The following FAM13C variants were observed in gnomAD, a reference collection of about 807,000 sequenced individuals.
The protein encoded by FAM13C is family with sequence similarity 13 member C.
FAM13C carries 37 observed loss-of-function variants against 73.2 expected under a neutral mutation model. The ratio of observed to expected loss-of-function variants is 0.51; its 90% CI spans 0.39 to 0.67. The LOEUF (loss-of-function observed/expected upper bound fraction) is 0.67, where lower values mean the gene tolerates loss of function less well. Among genes scored for constraint, FAM13C ranks in the 30% least tolerant of loss-of-function variants. FAM13C has a pLI of 0.00. For missense variants in FAM13C, 589 were observed against 715.6 expected (o/e 0.82, Z 2.02); for synonymous variants, 246 against 260.9 (o/e 0.94, Z 0.55).
chr10:59,267,026 T>C (rs1367351170), intron 8 of FAM13C, among the ~76,000 whole-genome samples: 3 of 152,204 alleles, frequency 2.0e-5, no homozygotes, highest in Non-Finnish European at 4.4e-5. Flanking sequence ...ATACTCCATT[T>C]TACACATGAC....
chr10:59,247,759 G>A, intron 13 of FAM13C, 22 bp from the exon 14 acceptor site: 1 of 1,603,488 alleles, frequency 6.2e-7, no homozygotes, highest in Non-Finnish European at 8.5e-7. Flanking sequence ...AAATACATTT[G>A]TTAGTTCACA....
intron 3 of FAM13C, among the ~76,000 whole-genome samples, chr10:59,326,599 A>G (rs555157395): frequency 1.3e-5 from 2 of 152,192 alleles, no homozygotes; most frequent in African/African-American, 4.8e-5. Context: ...AGAGATCCTT[A>G]TGATCTTGGA....
intron 3 of FAM13C, among the ~76,000 whole-genome samples, chr10:59,343,297 A>AT (rs1853762082): frequency 6.6e-6 from 1 of 152,184 alleles, no homozygotes. Flanking sequence ...CAATAATATA[A>AT]TAGCACGTAT....
Position 59,317,766 on chromosome 10 carries a change from TAA to T in FAM13C, c.443+6220_443+6221del, listed in dbSNP as rs536992334. 8.5e-5 allele frequency among the ~76,000 whole-genome samples: 13 copies of T among 152,270 alleles called. No homozygotes were observed. In the East Asian group the frequency reaches 2.3e-3, roughly 27 times the overall value. The stretch of plus-strand genomic sequence containing the variant: ...TTTTTCTTTTATTATTATTATACTT[TAA>T]GTTTTAGGGTACATGTGCACAATGT... On this transcript the variant is annotated intron_variant, in intron 4 of 13. Coordinates refer to ENST00000618804, the MANE Select transcript of FAM13C (RefSeq NM_198215.4).
intron 3 of FAM13C, among the ~76,000 whole-genome samples, chr10:59,346,525 T>C (rs1854310075): frequency 6.6e-6 from 1 of 152,202 alleles, no homozygotes; most frequent in African/African-American, 2.4e-5. Flanking sequence ...TACAGCTCAC[T>C]GCAGAAAAGC....
At chr10:59,304,464 G>A (rs1847967291) in intron 4 of FAM13C, among the ~76,000 whole-genome samples, 1 of 151,942 alleles carries the variant, frequency 6.6e-6, no homozygotes, top group Admixed American at 6.6e-5. Context: ...TGCCTAGTTT[G>A]TCTTCCAGGG....
At chr10:59,358,784 A>G (rs1183733187) in intron 1 of FAM13C, among the ~76,000 whole-genome samples, 1 of 152,234 alleles carries the variant, frequency 6.6e-6, no homozygotes, top group East Asian at 1.9e-4. Context: ...AAGTTGGAGA[A>G]GATTCTGAAG....
intron 10 of FAM13C, among the ~76,000 whole-genome samples, chr10:59,256,341 G>T (rs956082374): frequency 6.6e-6 from 1 of 151,914 alleles, no homozygotes; most frequent in Non-Finnish European, 1.5e-5. Context: ...ATTGCAATTT[G>T]ATTTTTGTGA....
At chr10:59,311,927 G>C (rs1025021869) in intron 4 of FAM13C, among the ~76,000 whole-genome samples, 1 of 152,058 alleles carries the variant, frequency 6.6e-6, no homozygotes, top group Admixed American at 6.6e-5. Context: ...CCTGTACCCA[G>C]CTCCTCCTAT....
At chr10:59,311,301 T>C (rs1208953379) in intron 4 of FAM13C, among the ~76,000 whole-genome samples, 2 of 152,132 alleles carry the variant, frequency 1.3e-5, no homozygotes. Context: ...TAAAAGACAC[T>C]GTGAACCATA....
intron 3 of FAM13C, among the ~76,000 whole-genome samples, chr10:59,351,470 A>G (rs1333815706): frequency 6.6e-6 from 1 of 152,192 alleles, no homozygotes; most frequent in Non-Finnish European, 1.5e-5. Context: ...TCCTTTATTC[A>G]TTTAAATACT....
At chr10:59,250,099 A>G (rs564865530) in intron 13 of FAM13C, among the ~76,000 whole-genome samples, 1 of 152,236 alleles carries the variant, frequency 6.6e-6, no homozygotes, top group Non-Finnish European at 1.5e-5. Flanking sequence ...TTAGATTTAG[A>G]ATATGTGATA....
In FAM13C at chr10:59,360,311, T is replaced by C. The variant is rs537599180; in HGVS notation, c.62+2088A>G. The stretch of plus-strand genomic sequence containing the variant: ...TACCAGAGGCCTTCATCCAAAGAAA[T>C]CATCTCTAGGTGAAATTTCAGGCAT... On this transcript the variant is annotated intron_variant, in intron 1 of 13. Coordinates refer to ENST00000618804, the MANE Select transcript of FAM13C (RefSeq NM_198215.4). Among the ~76,000 whole-genome samples, 28 of 152,232 alleles carry C rather than the reference T, an allele frequency of 1.8e-4. No individual in the cohort carries two copies. The South Asian group carries it at 5.4e-3, about 29-fold the overall frequency.
intron 6 of FAM13C, among the ~76,000 whole-genome samples, chr10:59,283,081 A>G (rs1202930161): frequency 6.6e-6 from 1 of 152,222 alleles, no homozygotes; most frequent in Non-Finnish European, 1.5e-5. Flanking sequence ...CAAATGGGAA[A>G]ATGAAGACTA....
chr10:59,254,342 A>G lies in FAM13C; in HGVS notation c.1332+6T>C. On this transcript the variant is annotated splice_donor_region_variant and intron_variant, in intron 11 of 13. Transcript: ENST00000618804. Reference sequence around the variant, plus strand: ...AAAGTAACAGCATGCAAGTATCCTGACTTACAATTGTTGGAATAAGGGAAG... The same window carrying G: ...AAAGTAACAGCATGCAAGTATCCTGGCTTACAATTGTTGGAATAAGGGAAG... The G allele has an allele frequency of 1.3e-6, 2 of 1,534,782 alleles. No homozygotes were observed. The highest frequency in any genetic ancestry group is 1.8e-6 in the Non-Finnish European group (2 of 1,133,026).
intron 3 of FAM13C, among the ~76,000 whole-genome samples, chr10:59,336,855 T>C (rs1695398098): frequency 6.6e-6 from 1 of 152,180 alleles, no homozygotes; most frequent in African/African-American, 2.4e-5. Flanking sequence ...TAGGATGGAA[T>C]CCAAGGCCCT....
At chr10:59,344,176 A>T (rs1589694299) in intron 3 of FAM13C, among the ~76,000 whole-genome samples, 1 of 150,266 alleles carries the variant, frequency 6.7e-6, no homozygotes, top group Non-Finnish European at 1.5e-5. Flanking sequence ...TTTAGCCAGG[A>T]TGGTCTCGAT....
At chr10:59,259,703 A>G (rs1842296226) in intron 10 of FAM13C, among the ~76,000 whole-genome samples, 1 of 152,198 alleles carries the variant, frequency 6.6e-6, no homozygotes. Flanking sequence ...CACTTATTAA[A>G]CAAAATAATA....
At chr10:59,338,264 G>A (rs1466268503) in intron 3 of FAM13C, among the ~76,000 whole-genome samples, 1 of 152,070 alleles carries the variant, frequency 6.6e-6, no homozygotes, top group Non-Finnish European at 1.5e-5. Context: ...GGACTCCACT[G>A]CCTGTTCCTC....
Sources: gnomAD v4.1 joint callset for allele counts (sites outside exome capture counted in the v4.1 genomes callset) on GRCh38, gnomAD v4.1.1 for gene constraint, MANE v1.5 for transcripts, NCBI Gene and HGNC (gene_info 2026-07-23, HGNC 2026-07-21) for gene names.